The following SETD2 variants were observed in gnomAD, a reference collection of about 807,000 sequenced individuals.
SETD2 encodes histone-lysine N-methyltransferase SETD2.
In SETD2, 31 loss-of-function variants were observed where a neutral mutation model predicts 242.1. The observed-to-expected ratio is 0.13, with a 90% CI of 0.10 to 0.17. The LOEUF (loss-of-function observed/expected upper bound fraction) is 0.17. Among genes scored for constraint, SETD2 ranks in the 10% least tolerant of loss-of-function variants. The pLI, the probability that SETD2 is intolerant of heterozygous loss-of-function variation, is 1.00. For missense variants in SETD2, 2,481 were observed against 3,046.3 expected, an observed-to-expected ratio of 0.81 and a Z score of 4.37; for synonymous variants, 1,006 against 1,066.5, an observed-to-expected ratio of 0.94 and a Z score of 1.11.
intron 1 of SETD2, among the ~76,000 whole-genome samples, chr3:47,156,214 G>C (rs1430076080): frequency 6.6e-6 from 1 of 152,056 alleles, no homozygotes; most frequent in Non-Finnish European, 1.5e-5. Flanking sequence ...TGAATATTAG[G>C]GTTGAGAAAA....
At chr3:47,073,860 T>C (rs2040934919) in intron 12 of SETD2, among the ~76,000 whole-genome samples, 1 of 152,238 alleles carries the variant, frequency 6.6e-6, no homozygotes, top group Non-Finnish European at 1.5e-5. Flanking sequence ...GTGGTGAAAT[T>C]CTCATTCTTA....
chr3:47,023,306 A>C (rs994182862), intron 18 of SETD2, among the ~76,000 whole-genome samples: 6 of 152,162 alleles, frequency 3.9e-5, no homozygotes, highest in Admixed American at 2.0e-4. Flanking sequence ...AGGCTGAGGC[A>C]GGAGAACTGC....
At chr3:47,136,573 G>A (rs1266093265) in intron 1 of SETD2, among the ~76,000 whole-genome samples, 1 of 152,174 alleles carries the variant, frequency 6.6e-6, no homozygotes. Context: ...ACTTGTAAGT[G>A]GGAGCTAAAC....
chr3:47,126,855 C>G (rs1162719089), intron 1 of SETD2, among the ~76,000 whole-genome samples, 192 bp from the exon 2 acceptor site: 1 of 152,184 alleles, frequency 6.6e-6, no homozygotes, highest in Non-Finnish European at 1.5e-5. Flanking sequence ...AAGATAGTGT[C>G]ACATACTGTG....
intron 1 of SETD2, among the ~76,000 whole-genome samples, chr3:47,138,025 G>A (rs1393188054): frequency 1.3e-4 from 19 of 148,900 alleles, no homozygotes; most frequent in East Asian, 4.0e-4. Flanking sequence ...AGGCTGGAGT[G>A]CAGTGGCGCG....
rs1294840523 is a variant in SETD2 at position 47,122,759 on chromosome 3, G to A, written c.1877C>T (p.Thr626Ile). Residue 626 changes from threonine to isoleucine, a missense_variant, in exon 3 of 21, where the codon ACT becomes ATT. By Grantham distance (89) the Thr-to-Ile change is moderately conservative. Transcript: ENST00000409792. ...APSNRLNDSP[T>I]LKKLDELPIF... ...AGGCAATTCATCTAGCTTTTTTAAA[G>A]TAGGTGAATCATTTAATCGATTTGA... 6.2e-7 allele frequency: 1 copy of A among 1,610,292 alleles called. No homozygotes were observed. The highest frequency in any genetic ancestry group is 1.1e-5 in the South Asian group (1 of 90,496).
At chr3:47,035,038 G>A (rs140934345) in intron 18 of SETD2, among the ~76,000 whole-genome samples, 18 of 152,328 alleles carry the variant, frequency 1.2e-4, no homozygotes, top group African/African-American at 7.2e-5. Context: ...GAGGAGTAAA[G>A]ATCAAACATA....
intron 1 of SETD2, among the ~76,000 whole-genome samples, chr3:47,135,013 C>A (rs1367369579): frequency 1.3e-5 from 2 of 152,188 alleles, no homozygotes; most frequent in Non-Finnish European, 2.9e-5. Context: ...ATTTAAGGAT[C>A]CACCTTGTAA....
chr3:47,052,693 C>T (rs1284632666), intron 15 of SETD2, among the ~76,000 whole-genome samples: 2 of 151,920 alleles, frequency 1.3e-5, no homozygotes, highest in African/African-American at 4.8e-5. Context: ...TGGTGCACAC[C>T]TGTAATCCCA....
intron 1 of SETD2, among the ~76,000 whole-genome samples, chr3:47,156,763 A>G (rs1485654043): frequency 6.6e-6 from 1 of 152,180 alleles, no homozygotes; most frequent in Non-Finnish European, 1.5e-5. Flanking sequence ...AAAGGTCCAG[A>G]TTATATATGA....
chr3:47,037,475 G>A (rs2039064225), intron 18 of SETD2, among the ~76,000 whole-genome samples, 191 bp downstream of exon 18: 1 of 151,700 alleles, frequency 6.6e-6, no homozygotes, highest in Non-Finnish European at 1.5e-5. Context: ...CATTTTTTAT[G>A]GCTGCATAGT....
chr3:47,058,458 A>AC (rs796346377), intron 14 of SETD2, among the ~76,000 whole-genome samples: 10 of 145,482 alleles, frequency 6.9e-5, no homozygotes, highest in South Asian at 2.2e-4. Context: ...AAAAAAAAAA[A>AC]AAAAAACACA....
At chr3:47,045,623 AG>A (rs1279282107) in intron 16 of SETD2, among the ~76,000 whole-genome samples, 12 of 149,686 alleles carry the variant, frequency 8.0e-5, no homozygotes, top group African/African-American at 2.4e-4. Flanking sequence ...ACTCGAACCC[AG>A]GAAGTGGAGG....
At chr3:47,044,527 GATTGCTGCAAGAGCTTTCTCCAGA>G (rs560012922) in intron 16 of SETD2, among the ~76,000 whole-genome samples, 1 of 152,130 alleles carries the variant, frequency 6.6e-6, no homozygotes, top group Admixed American at 6.5e-5. Context: ...TCAATTGCTG[GATTGCTGCAAGAGCTTTCTCCAGA>G]ACTGTAGGTG....
At chr3:47,089,723 AG>A (rs34044805) in intron 9 of SETD2, among the ~76,000 whole-genome samples, 2 of 152,216 alleles carry the variant, frequency 1.3e-5, no homozygotes, top group African/African-American at 4.8e-5. Flanking sequence ...AAACCAAACA[AG>A]GAAGCATTAA....
intron 1 of SETD2, among the ~76,000 whole-genome samples, chr3:47,138,648 CA>C (rs2043650564): frequency 6.6e-6 from 1 of 151,752 alleles, no homozygotes; most frequent in South Asian, 2.1e-4. Flanking sequence ...CTTGAACTCC[CA>C]AACTCTGGTG....
chr3:47,105,642 T>A, intron 6 of SETD2: 1 of 444,084 alleles, frequency 2.3e-6, no homozygotes, highest in Non-Finnish European at 4.5e-6. Context: ...TAGAAATCAG[T>A]CGGCAGGACA....
In SETD2 at chr3:47,075,660, A is replaced by AT. The variant is rs201390665; in HGVS notation, c.6060+8059dup. On this transcript the variant is annotated intron_variant, in intron 12 of 20. Coordinates refer to ENST00000409792, the MANE Select transcript of SETD2 (RefSeq NM_014159.7). ...GCCTAGAAAAGACAGAGAAATAGTT[A>AT]TTTTTTGGACCAGAAAAGTGAGTGG... is the stretch of plus-strand genomic sequence containing the variant. Among the ~76,000 whole-genome samples, 1,163 of 151,830 alleles carry AT rather than the reference A, an allele frequency of 7.7e-3. 16 individuals are homozygous for AT. The highest frequency in any genetic ancestry group is 0.027 in the African/African-American group (1,130 of 41,430).
chr3:47,083,368 G>T (rs1366012209), intron 12 of SETD2, among the ~76,000 whole-genome samples: 3 of 152,110 alleles, frequency 2.0e-5, no homozygotes, highest in Non-Finnish European at 2.9e-5. Context: ...TAATACAACT[G>T]ATTTCCAATA....
Sources: gnomAD v4.1 joint callset for allele counts (sites outside exome capture counted in the v4.1 genomes callset) on GRCh38, gnomAD v4.1.1 for gene constraint, MANE v1.5 for transcripts, NCBI Gene and HGNC (gene_info 2026-07-23, HGNC 2026-07-21) for gene names.